Variants in NDRG4 observed in about 807,000 individuals in gnomAD.
NDRG4 encodes protein NDRG4.
NDRG4 carries 38 observed loss-of-function variants against 55.8 expected under a neutral mutation model. The observed-to-expected ratio is 0.68, with a 90% confidence interval of 0.53 to 0.89. The LOEUF is 0.89. Ranked by LOEUF, NDRG4 falls within the 40% of genes least tolerant of loss-of-function variation. The probability of loss-of-function intolerance (pLI) is 0.00; values close to 1 mark genes in which losing one functional copy is unlikely to be tolerated. For missense variants in NDRG4, 455 were observed against 468.6 expected (o/e 0.97, Z 0.27); for synonymous variants, 190 against 182.7 (o/e 1.04, Z -0.32).
intron 2 of NDRG4, among the ~76,000 whole-genome samples, chr16:58,489,625 G>A (rs1039236235): frequency 4.0e-5 from 6 of 151,864 alleles, no homozygotes; most frequent in African/African-American, 9.7e-5. Flanking sequence ...GCCCCGCCCC[G>A]CAGGTTCCCA....
intron 1 of NDRG4, among the ~76,000 whole-genome samples, chr16:58,477,234 C>T (rs907050144): frequency 2.6e-5 from 4 of 151,606 alleles, no homozygotes; most frequent in Non-Finnish European, 5.9e-5. Context: ...GCTAAGAGGG[C>T]CTAGACCAAT....
chr16:58,483,505 C>G lies in NDRG4; in HGVS notation c.-23-4251C>G, dbSNP rs112032173. Among the ~76,000 whole-genome samples, 976 of 152,296 alleles carry G rather than the reference C, an allele frequency of 6.4e-3. 8 individuals carry two copies. The highest frequency in any genetic ancestry group is 0.022 in the African/African-American group (903 of 41,550). ...GCCCATTTCCACACTCCCCGGTGCTCTTTTGCCCTTGAGGGGCCTCTTACA... is the reference window on the plus strand; with the variant it reads ...GCCCATTTCCACACTCCCCGGTGCTGTTTTGCCCTTGAGGGGCCTCTTACA... On this transcript the variant is annotated intron_variant, in intron 1 of 15. Transcript: ENST00000258187.
intron 2 of NDRG4, among the ~76,000 whole-genome samples, chr16:58,492,528 GT>G (rs1264877635): frequency 7.1e-6 from 1 of 140,476 alleles, no homozygotes; most frequent in African/African-American, 2.6e-5. Context: ...GTGTGTGTGT[GT>G]GTGTGTGTGT....
upstream of NDRG4, among the ~76,000 whole-genome samples, chr16:58,497,453 A>C (rs547611580): frequency 8.5e-5 from 13 of 152,384 alleles, no homozygotes; most frequent in Non-Finnish European, 1.8e-4. Context: ...AGGCCCACCC[A>C]GAGTGCTGGG....
upstream of NDRG4, among the ~76,000 whole-genome samples, chr16:58,495,831 GC>G (rs538940285): frequency 2.9e-3 from 444 of 152,332 alleles, 2 homozygotes; most frequent in Middle Eastern, 0.02. Context: ...CTCCGGGAAT[GC>G]CATCTCCAAG....
chr16:58,506,677 G>A (rs2038074471), intron 7 of NDRG4, 63 bp downstream of exon 7: 2 of 1,522,102 alleles, frequency 1.3e-6, no homozygotes, highest in Non-Finnish European at 1.8e-6. Context: ...AGCTGGCTCG[G>A]TAGGAGGCAG....
At chr16:58,503,631 C>A in intron 1 of NDRG4, 167 bp from the exon 2 acceptor site, 1 of 1,333,876 alleles carries the variant, frequency 7.5e-7, no homozygotes, top group Non-Finnish European at 1.0e-6. Context: ...AAGGGGTGTT[C>A]CATCCATTCA....
At chr16:58,474,916 A>T (rs1432771812) in intron 1 of NDRG4, among the ~76,000 whole-genome samples, 1 of 152,234 alleles carries the variant, frequency 6.6e-6, no homozygotes, top group Non-Finnish European at 1.5e-5. Context: ...ATTGCATTTG[A>T]GGCAGGAAAG....
chr16:58,504,970 C>T (rs982959035), intron 5 of NDRG4, among the ~76,000 whole-genome samples: 3 of 152,154 alleles, frequency 2.0e-5, no homozygotes, highest in South Asian at 2.1e-4. Context: ...AAATAAGGAT[C>T]GTCCTTCACT....
chr16:58,470,353 G>A (rs2032531027), intron 1 of NDRG4, among the ~76,000 whole-genome samples: 1 of 152,218 alleles, frequency 6.6e-6, no homozygotes, highest in Non-Finnish European at 1.5e-5. Context: ...CAAGGTGGAT[G>A]TGAAGTTGGC....
chr16:58,465,179 C>G, intron 1 of NDRG4: 5 of 1,157,856 alleles, frequency 4.3e-6, no homozygotes, highest in South Asian at 1.3e-5. Flanking sequence ...CCGGTTTCCT[C>G]CAGCTCTGGG....
intron 1 of NDRG4, among the ~76,000 whole-genome samples, chr16:58,503,129 C>G (rs1376152486): frequency 1.3e-5 from 2 of 152,206 alleles, no homozygotes; most frequent in Non-Finnish European, 2.9e-5. Flanking sequence ...CCTTGAGCAG[C>G]AAAACCAAAG....
intron 13 of NDRG4, among the ~76,000 whole-genome samples, chr16:58,509,933 C>T (rs991744269): frequency 6.8e-6 from 1 of 147,592 alleles, no homozygotes; most frequent in Non-Finnish European, 1.5e-5. Context: ...CAGGTACACA[C>T]ACACAGACAC....
At chr16:58,471,387 C>T (rs16960168) in intron 1 of NDRG4, among the ~76,000 whole-genome samples, 40,227 of 151,606 alleles carry the variant, frequency 0.27, 5,387 homozygotes, top group Non-Finnish European at 0.29. Flanking sequence ...GAGAACAGCA[C>T]GGTGGGTTGG....
downstream of NDRG4, among the ~76,000 whole-genome samples, chr16:58,514,953 C>T (rs1267318913): frequency 6.6e-6 from 1 of 152,132 alleles, no homozygotes; most frequent in African/African-American, 2.4e-5. Context: ...ACTATGTCAG[C>T]TAATAAAACC....
At chr16:58,502,264 G>C (rs2037263070) in intron 1 of NDRG4, 2 of 338,636 alleles carry the variant, frequency 5.9e-6, no homozygotes, top group Non-Finnish European at 6.0e-6. Context: ...TCCTGGATTT[G>C]ATGGGCCCCG....
intron 2 of NDRG4, among the ~76,000 whole-genome samples, chr16:58,494,178 C>T (rs1207403624): frequency 1.3e-5 from 2 of 152,192 alleles, no homozygotes; most frequent in Admixed American, 6.5e-5. Context: ...TCGTGGTGCC[C>T]GCGGTCCGGT....
chr16:58,511,757 G>C lies in NDRG4; in HGVS notation c.*181G>C. The C allele has an allele frequency of 1.3e-6, 1 of 754,692 alleles. No homozygotes were observed. Among genetic ancestry groups the C allele is most frequent in the Non-Finnish European group, 2.3e-6 (1 of 442,358 alleles). 46.7% of individuals were successfully genotyped at this position (754,692 alleles called of 1,614,324 possible). A position where few individuals can be genotyped will look rare whatever the true frequency, so the allele number is the denominator to read the frequency against. ...GTCTCCAGGTGTTTTAAGGGGCTCA[G>C]TCCTCCTCATCCCATCTCACTCTCC... is the stretch of plus-strand genomic sequence containing the variant. On this transcript the variant is annotated 3_prime_UTR_variant, in exon 15 of 15. Coordinates refer to ENST00000570248, the MANE Select transcript of NDRG4 (RefSeq NM_001242835.2).
intron 1 of NDRG4, chr16:58,465,324 T>A: frequency 2.4e-6 from 1 of 416,222 alleles, no homozygotes; most frequent in Non-Finnish European, 4.9e-6. Flanking sequence ...CCCGGAGCCC[T>A]GTTACAAGGC....
Sources: allele counts gnomAD v4.1 joint callset (sites outside exome capture counted in the v4.1 genomes callset), GRCh38; gene constraint gnomAD v4.1.1; transcripts MANE v1.5; gene names NCBI Gene and HGNC (gene_info 2026-07-23, HGNC 2026-07-21).